Variants in ZFYVE28 observed in about 807,000 individuals in gnomAD.
ZFYVE28 encodes the protein lateral signaling target protein 2 homolog.
A neutral mutation model predicts 82.1 loss-of-function variants in ZFYVE28; 40 were observed. The observed-to-expected ratio is 0.49, with a 90% CI of 0.38 to 0.63. The LOEUF is 0.63. Among genes scored for constraint, ZFYVE28 ranks in the 30% least tolerant of loss-of-function variants. ZFYVE28 has a pLI of 0.00. For missense variants in ZFYVE28, 1,321 were observed against 1,242.1 expected, an observed-to-expected ratio of 1.06 and a Z score of -0.96; for synonymous variants, 612 against 546.1, an observed-to-expected ratio of 1.12 and a Z score of -1.68.
intron 1 of ZFYVE28, among the ~76,000 whole-genome samples, chr4:2,398,694 G>T (rs904167127): frequency 8.6e-6 from 1 of 116,062 alleles, no homozygotes; most frequent in Admixed American, 8.6e-5. Flanking sequence ...GCACAATGGG[G>T]GGTCGAGATC....
In ZFYVE28 at chr4:2,418,297, G is replaced by A. The variant is rs368041813; in HGVS notation, c.27C>T (p.Leu9=). The A allele has an allele frequency of 3.9e-6, 6 of 1,536,858 alleles. No homozygotes were observed. The African/African-American group carries it at 5.6e-5, about 14-fold the overall frequency. The stretch of plus-strand genomic sequence containing the variant: ...CGGGGCCGCTCACCTTGGGTTTGTA[G>A]AGCCACTTTCGGAACCTGTTCATCA... MMNRFRKW[L]YKPKRSDPQL... Residue 9 remains leucine, a synonymous_variant, in exon 1 of 13, where the codon CTC becomes CTT. Coordinates refer to ENST00000290974, the MANE Select transcript of ZFYVE28 (RefSeq NM_020972.3). The surrounding 1 kb of genome is among the most constrained non-coding windows in gnomAD (Gnocchi z 4.6).
intron 1 of ZFYVE28, among the ~76,000 whole-genome samples, chr4:2,385,562 A>G (rs778594877): frequency 7.2e-5 from 11 of 152,196 alleles, no homozygotes; most frequent in Non-Finnish European, 1.5e-4. Context: ...TCAGACCTAC[A>G]TGGTTGCCTA....
chr4:2,305,161 G>T lies in ZFYVE28; in HGVS notation c.1179C>A (p.Gly393=), dbSNP rs1403264651. The T allele has an allele frequency of 1.3e-6, 2 of 1,591,436 alleles. No homozygotes were observed. The highest frequency in any genetic ancestry group is 1.7e-6 in the Non-Finnish European group (2 of 1,166,546). Residue 393 remains glycine (G), a synonymous_variant, in exon 8 of 13, where the codon GGC becomes GGA. Coordinates refer to ENST00000290974, the MANE Select transcript of ZFYVE28 (RefSeq NM_020972.3). ...AGAACACGCGCTCCTCCTCGTCACT[G>T]CCTGACCGCAGGCGCGGTCTACCTG... The part of the protein sequence containing the change: ...ASPGRPRLRS[G]SDEEERVFFM...
intron 5 of ZFYVE28, among the ~76,000 whole-genome samples, chr4:2,337,035 G>C (rs11932143): frequency 0.73 from 84,219 of 114,884 alleles, 31,312 homozygotes; most frequent in African/African-American, 0.88. Context: ...GACATGAGGA[G>C]TGAGTAGGTG....
intron 7 of ZFYVE28, among the ~76,000 whole-genome samples, chr4:2,313,706 A>C (rs1288096623): frequency 6.6e-6 from 1 of 152,164 alleles, no homozygotes; most frequent in African/African-American, 2.4e-5. Flanking sequence ...TCTGTACTGA[A>C]AATACAAAAA....
At chr4:2,401,748 G>A (rs1401184283) in intron 1 of ZFYVE28, among the ~76,000 whole-genome samples, 1 of 152,138 alleles carries the variant, frequency 6.6e-6, no homozygotes, top group Non-Finnish European at 1.5e-5. Context: ...TGACCCCCGG[G>A]GCTCAGGTGC....
At chr4:2,393,019 T>C (rs1730001868) in intron 1 of ZFYVE28, among the ~76,000 whole-genome samples, 2 of 152,248 alleles carry the variant, frequency 1.3e-5, no homozygotes, top group Non-Finnish European at 2.9e-5. Flanking sequence ...TTTGCTCCTG[T>C]CTTGGAAGGA....
At chr4:2,381,939 G>C (rs932750397) in intron 1 of ZFYVE28, among the ~76,000 whole-genome samples, 3 of 152,220 alleles carry the variant, frequency 2.0e-5, no homozygotes, top group East Asian at 3.8e-4. Context: ...TGCAGCCTAG[G>C]GACTTGGTGC....
At chr4:2,381,387 T>C (rs977211972) in intron 1 of ZFYVE28, among the ~76,000 whole-genome samples, 1 of 152,050 alleles carries the variant, frequency 6.6e-6, no homozygotes, top group African/African-American at 2.4e-5. Flanking sequence ...ATTCGGAAAA[T>C]TTGCAGCCTG....
chr4:2,308,081 A>C (rs1716857251), intron 7 of ZFYVE28, among the ~76,000 whole-genome samples: 1 of 152,166 alleles, frequency 6.6e-6, no homozygotes, highest in Non-Finnish European at 1.5e-5. Context: ...TGTCAGGATT[A>C]CTATAGCTTT....
chr4:2,405,193 G>A (rs910935759), intron 1 of ZFYVE28, among the ~76,000 whole-genome samples: 2 of 152,180 alleles, frequency 1.3e-5, no homozygotes, highest in Non-Finnish European at 2.9e-5. Flanking sequence ...AAGCGGTGCT[G>A]GGCCTGGGGC....
At chr4:2,282,324 C>CA (rs1229805516) in intron 8 of ZFYVE28, among the ~76,000 whole-genome samples, 1 of 152,228 alleles carries the variant, frequency 6.6e-6, no homozygotes, top group African/African-American at 2.4e-5. Flanking sequence ...TCTAAACAGT[C>CA]ACATCAATAC....
At chr4:2,337,048 G>GAGTTAGGAGGTGGGGA (rs1163935848) in intron 5 of ZFYVE28, among the ~76,000 whole-genome samples, 30 of 148,504 alleles carry the variant, frequency 2.0e-4, no homozygotes, top group South Asian at 4.4e-4. Context: ...AGTAGGTGAG[G>GAGTTAGGAGGTGGGGA]AGTGAGGGGG....
At chr4:2,285,047 C>T (rs1471028176) in intron 8 of ZFYVE28, among the ~76,000 whole-genome samples, 4 of 152,216 alleles carry the variant, frequency 2.6e-5, no homozygotes, top group African/African-American at 7.2e-5. Flanking sequence ...ATAAGGTCAT[C>T]CAGGAGTAGG....
intron 2 of ZFYVE28, among the ~76,000 whole-genome samples, chr4:2,345,904 G>A (rs888211004): frequency 6.6e-6 from 1 of 151,930 alleles, no homozygotes; most frequent in African/African-American, 2.4e-5. Flanking sequence ...AAGTATTAAG[G>A]GGGAAAAAAT....
rs771123470 is a variant in ZFYVE28 at position 2,304,722 on chromosome 4, G to C, written c.1618C>G (p.Pro540Ala). The C allele has an allele frequency of 6.2e-7, 1 of 1,612,706 alleles. No homozygotes were observed. The highest frequency in any genetic ancestry group is 1.1e-5 in the South Asian group (1 of 91,080). Reference sequence around the variant, plus strand: ...CCGCCATCCATCCCCTCGGCCACGGGCTCCGAGGCGGCCTCCTGGGTGGCG... The same window carrying C: ...CCGCCATCCATCCCCTCGGCCACGGCCTCCGAGGCGGCCTCCTGGGTGGCG... ...AVATQEAASE[P>A]VAEGMDGGPH... The change falls in exon 8 of 13, where the codon CCC becomes GCC. Residue 540 changes from proline (P) to alanine (A), a missense_variant. By Grantham distance (27) the Pro-to-Ala change is conservative. Transcript: ENST00000290974.
intron 1 of ZFYVE28, among the ~76,000 whole-genome samples, chr4:2,404,505 G>C (rs1044592705): frequency 6.6e-6 from 1 of 152,114 alleles, no homozygotes; most frequent in Non-Finnish European, 1.5e-5. Flanking sequence ...TCCACTAATG[G>C]AATATTATTC....
rs1428421443 is a variant in ZFYVE28 at position 2,305,094 on chromosome 4, G to A, written c.1246C>T (p.Pro416Ser). 2.5e-6 allele frequency: 4 copies of A among 1,604,956 alleles called. No individual in the cohort carries two copies. Among genetic ancestry groups the A allele is most frequent in the East Asian group, 4.5e-5 (2 of 44,794 alleles). The change falls in exon 8 of 13, where the codon CCC becomes TCC. Residue 416 changes from proline to serine, a missense_variant. Physicochemically the swap from Pro to Ser is moderately conservative, Grantham distance 74. This residue lies in a region of ZFYVE28 where 978 missense variants were observed against 833.7 expected (regional missense o/e 1.17). Coordinates refer to ENST00000290974, the MANE Select transcript of ZFYVE28 (RefSeq NM_020972.3). The part of the protein sequence containing the change: ...VEGTAEALAR[P>S]ESPAGPFGWA... ...CCAAATGGGCCAGCTGGGGACTCGG[G>A]CCTGGCCAGGGCTTCTGCCGTCCCC...
chr4:2,309,255 T>A (rs1470858205), intron 7 of ZFYVE28, among the ~76,000 whole-genome samples: 1 of 152,212 alleles, frequency 6.6e-6, no homozygotes, highest in Non-Finnish European at 1.5e-5. Flanking sequence ...TCTGCCACGT[T>A]ATGACAGAGC....
Sources: allele counts gnomAD v4.1 joint callset (sites outside exome capture counted in the v4.1 genomes callset), GRCh38; gene constraint gnomAD v4.1.1; regional missense constraint gnomAD v4.1.1; non-coding constraint Gnocchi (gnomAD v3.1); transcripts MANE v1.5; gene names NCBI Gene and HGNC (gene_info 2026-07-23, HGNC 2026-07-21).